Variants in PEX5 observed in about 807,000 individuals in gnomAD.
The protein encoded by PEX5 is peroxisomal biogenesis factor 5.
In PEX5, 52 loss-of-function variants were observed where a neutral mutation model predicts 82.9. That is an observed-to-expected ratio of 0.63 (90% CI 0.50 to 0.79). The LOEUF is 0.79. Among genes scored for constraint, PEX5 ranks in the 30% least tolerant of loss-of-function variants. The pLI is 0.00. For synonymous variants in PEX5, 300 were observed against 318.8 expected, an observed-to-expected ratio of 0.94 and a Z score of 0.63; for missense variants, 719 against 815.2, an observed-to-expected ratio of 0.88 and a Z score of 1.44.
chr12:7,195,908 TG>T (rs1410744510), intron 5 of PEX5, among the ~76,000 whole-genome samples: 2 of 150,944 alleles, frequency 1.3e-5, no homozygotes, highest in Non-Finnish European at 3.0e-5. Context: ...GGAAGAGAAA[TG>T]CTTCCTGTAA....
In PEX5 at chr12:7,211,301, ACTG is replaced by A. The variant is rs1476942431; in HGVS notation, c.*1081_*1083del. 6.6e-6 allele frequency: 1 copy of A among 152,454 alleles called. No homozygotes were observed. The highest frequency in any genetic ancestry group is 1.5e-5 in the Non-Finnish European group (1 of 68,020). 9.4% of individuals were successfully genotyped at this position (152,454 alleles called of 1,614,324 possible). A position where few individuals can be genotyped will look rare whatever the true frequency, so the allele number is the denominator to read the frequency against. ...GGAGATACACTAACCCCCAGAAATG[ACTG>A]CTAAGCCTCTTGCCTTGTCTTTAGT... On this transcript the variant is annotated 3_prime_UTR_variant, in exon 16 of 16. Coordinates refer to ENST00000675855, the MANE Select transcript of PEX5 (RefSeq NM_001351132.2).
downstream of PEX5, among the ~76,000 whole-genome samples, chr12:7,214,684 T>A (rs1369760753): frequency 1.3e-5 from 2 of 150,568 alleles, no homozygotes; most frequent in African/African-American, 4.9e-5. Context: ...ACCTGCACAT[T>A]GTGCACATGT....
chr12:7,193,610 T>G (rs1005621167), intron 5 of PEX5, among the ~76,000 whole-genome samples: 1 of 152,144 alleles, frequency 6.6e-6, no homozygotes, highest in African/African-American at 2.4e-5. Context: ...AGAAACTCAG[T>G]TTTTCACATA....
At chr12:7,209,943 C>T in intron 15 of PEX5, 79 bp from the exon 16 acceptor site, 1 of 1,591,262 alleles carries the variant, frequency 6.3e-7, no homozygotes, top group Non-Finnish European at 8.6e-7. Context: ...CCCTAGCTTT[C>T]TCCCTCCCAC....
chr12:7,189,807 T>G, intron 1 of PEX5, 57 bp downstream of exon 1: 1 of 806,518 alleles, frequency 1.2e-6, no homozygotes, highest in Non-Finnish European at 1.7e-6. Flanking sequence ...TCCCCACCCT[T>G]GCGGTGGCCT....
intron 5 of PEX5, among the ~76,000 whole-genome samples, chr12:7,198,308 C>T (rs941826197): frequency 1.3e-5 from 2 of 152,056 alleles, no homozygotes; most frequent in African/African-American, 4.8e-5. Context: ...GAACTGTAAA[C>T]GTTCTGTATC....
chr12:7,195,991 A>G (rs989212016), intron 5 of PEX5, among the ~76,000 whole-genome samples: 41 of 145,880 alleles, frequency 2.8e-4, no homozygotes, highest in Non-Finnish European at 4.2e-4. Flanking sequence ...ATGGTCAAAA[A>G]AAATTGCCAA....
chr12:7,197,687 T>C (rs7297929), intron 5 of PEX5, among the ~76,000 whole-genome samples: 111,339 of 151,552 alleles, frequency 0.73, 41,660 homozygotes, highest in South Asian at 0.83. Flanking sequence ...CAGGCAAAGT[T>C]TCAGTTAAAA....
Position 7,189,753 on chromosome 12 carries a change from G to A in PEX5, c.-17+3G>A. On this transcript the variant is annotated splice_donor_region_variant and intron_variant, in intron 1 of 15. Coordinates refer to ENST00000675855, the MANE Select transcript of PEX5 (RefSeq NM_001351132.2). ...GTCGTGCGGCGCGGCGCTCCGCGGT[G>A]AGCGCCTGACCCCGAGGGGGCCCGG... The A allele has an allele frequency of 2.2e-6, 1 of 446,764 alleles. No individual in the cohort carries two copies. The highest frequency in any genetic ancestry group is 3.6e-6 in the Non-Finnish European group (1 of 275,342). The allele number at this position is 446,764 out of a possible 1,614,324, so 27.7% of individuals were successfully genotyped here.
chr12:7,209,135 G>C lies in PEX5; in HGVS notation c.1525G>C (p.Asp509His). The part of the protein sequence containing the change: ...NLSGEYDKAV[D>H]CFTAALSVRP... ...GAGTGGGGAGTATGACAAGGCCGTG[G>C]ACTGCTTCACAGCTGCCCTCAGCGT... Residue 509 changes from aspartate (D) to histidine (H), a missense_variant, in exon 14 of 16, where the codon GAC becomes CAC. Transcript: ENST00000675855. The C allele has an allele frequency of 6.2e-7, 1 of 1,614,078 alleles. No individual in the cohort carries two copies. The highest frequency in any genetic ancestry group is 8.5e-7 in the Non-Finnish European group (1 of 1,180,008).
chr12:7,207,904 G>A, intron 11 of PEX5, 102 bp downstream of exon 11: 1 of 1,529,246 alleles, frequency 6.5e-7, no homozygotes, highest in South Asian at 1.1e-5. Flanking sequence ...CTGGGTGATG[G>A]CCTAGGATAG....
intron 5 of PEX5, among the ~76,000 whole-genome samples, chr12:7,195,588 T>A (rs1465002036): frequency 1.3e-5 from 2 of 151,930 alleles, no homozygotes; most frequent in Non-Finnish European, 2.9e-5. Context: ...GTTGTAAAAA[T>A]TCAAAGGTGC....
In PEX5 at chr12:7,209,154, T is replaced by C; in HGVS notation, c.1544T>C (p.Leu515Pro). 6.2e-7 allele frequency: 1 copy of C among 1,613,954 alleles called. No individual in the cohort carries two copies. The highest frequency in any genetic ancestry group is 8.5e-7 in the Non-Finnish European group (1 of 1,180,000). The change falls in exon 14 of 16, where the codon CTC (leucine) becomes CCC (proline). Residue 515 changes from leucine to proline, a missense_variant. Leu to Pro is a moderately conservative substitution (Grantham distance 98, BLOSUM62 -3). Transcript: ENST00000675855. ...GCCGTGGACTGCTTCACAGCTGCCC[T>C]CAGCGTTCGTCCCAATGTGAGCCCA... ...DKAVDCFTAA[L>P]SVRPNDYLLW...
intron 17 of PEX5, among the ~76,000 whole-genome samples, chr12:7,218,021 CAGTT>C (rs1170812933): frequency 1.2e-4 from 19 of 152,182 alleles, no homozygotes; most frequent in African/African-American, 4.1e-4. Flanking sequence ...TAACTAATAT[CAGTT>C]AGACGTTATT....
intron 10 of PEX5, among the ~76,000 whole-genome samples, chr12:7,206,586 A>G (rs991560260): frequency 6.7e-6 from 1 of 148,576 alleles, no homozygotes; most frequent in Admixed American, 6.8e-5. Context: ...CTACTATAAT[A>G]TGTCTTTCTT....
chr12:7,191,657 T>TA lies in PEX5; in HGVS notation c.407dup (p.Asn136LysfsTer2). On this transcript the variant is annotated frameshift_variant, in exon 5 of 16. Transcript: ENST00000675855. LOFTEE classifies it high-confidence loss of function. ...ATGCTGTGGATGTAACTCAGGATTATAATGAGACTGACTGGTCCCAAGAAT... is the reference window on the plus strand; with the variant it reads ...ATGCTGTGGATGTAACTCAGGATTATAAATGAGACTGACTGGTCCCAAGAAT... 1 of 1,613,870 alleles carries TA rather than the reference T, an allele frequency of 6.2e-7. No individual in the cohort carries two copies. Among genetic ancestry groups the TA allele is most frequent in the Non-Finnish European group, 8.5e-7 (1 of 1,179,698 alleles).
chr12:7,206,056 A>G (rs1156885320), intron 10 of PEX5, among the ~76,000 whole-genome samples: 1 of 152,238 alleles, frequency 6.6e-6, no homozygotes, highest in Non-Finnish European at 1.5e-5. Context: ...AGATGACAGT[A>G]ATCTCTGTTT....
At chr12:7,190,285 T>C in intron 1 of PEX5, 77 bp from the exon 2 acceptor site, 1 of 1,596,836 alleles carries the variant, frequency 6.3e-7, no homozygotes, top group Non-Finnish European at 8.5e-7. Context: ...TGTGCCTTCC[T>C]CAGATACGGG....
At position 7,209,155 on chromosome 12, in the gene PEX5, C is replaced by T. The variant is rs762815657; in HGVS notation, c.1545C>T (p.Leu515=). 35 of 1,613,790 alleles carry T rather than the reference C, an allele frequency of 2.2e-5. No homozygotes were observed. The East Asian group carries it at 7.1e-4, about 33-fold the overall frequency. Residue 515 remains leucine (L), a synonymous_variant, in exon 14 of 16, where the codon CTC becomes CTT. Transcript: ENST00000675855. ...DKAVDCFTAA[L]SVRPNDYLLW... The stretch of plus-strand genomic sequence containing the variant: ...CCGTGGACTGCTTCACAGCTGCCCT[C>T]AGCGTTCGTCCCAATGTGAGCCCAG...
Sources: gnomAD v4.1 joint callset for allele counts (sites outside exome capture counted in the v4.1 genomes callset) on GRCh38, gnomAD v4.1.1 for gene constraint, MANE v1.5 for transcripts, NCBI Gene and HGNC (gene_info 2026-07-23, HGNC 2026-07-21) for gene names.